Variants in PRPSAP2 observed in about 807,000 individuals in gnomAD.
PRPSAP2 encodes the protein phosphoribosyl pyrophosphate synthase-associated protein 2.
In PRPSAP2, 24 loss-of-function variants were observed where a neutral mutation model predicts 40.6. The ratio of observed to expected loss-of-function variants is 0.59; its 90% CI spans 0.43 to 0.83. The LOEUF (loss-of-function observed/expected upper bound fraction) is 0.83, where lower values mean the gene tolerates loss of function less well. Among genes scored for constraint, PRPSAP2 ranks in the 40% least tolerant of loss-of-function variants. The probability of loss-of-function intolerance (pLI) is 0.00; values close to 1 mark genes in which losing one functional copy is unlikely to be tolerated. For synonymous variants in PRPSAP2, 149 were observed against 164.7 expected, an observed-to-expected ratio of 0.90 and a Z score of 0.73; for missense variants, 292 against 465.6, an observed-to-expected ratio of 0.63 and a Z score of 3.43.
chr17:18,913,994 T>C (rs2041134502), intron 9 of PRPSAP2, among the ~76,000 whole-genome samples: 1 of 151,358 alleles, frequency 6.6e-6, no homozygotes, highest in South Asian at 2.1e-4. Flanking sequence ...GCCAACATGA[T>C]GAAACCCCGT....
chr17:18,881,576 A>T (rs1318989154), intron 6 of PRPSAP2, among the ~76,000 whole-genome samples: 3 of 151,116 alleles, frequency 2.0e-5, no homozygotes, highest in Non-Finnish European at 2.9e-5. Context: ...TCACTCTGTC[A>T]CCCAGACTGG....
At chr17:18,923,427 C>G (rs528331869) in intron 9 of PRPSAP2, among the ~76,000 whole-genome samples, 5 of 152,106 alleles carry the variant, frequency 3.3e-5, no homozygotes, top group African/African-American at 9.7e-5. Flanking sequence ...TCTCAATTCC[C>G]TCTTTTGATT....
rs567952350 is a variant in PRPSAP2, at chr17:18,913,633, C to T, written c.733+2382C>T. ...GTGCGATCATGGCTCATTGCAGTCT[C>T]ACCTCCTGGGCCCAAGCAGTCCTCC... is the stretch of plus-strand genomic sequence containing the variant. On this transcript the variant is annotated intron_variant, in intron 9 of 11. Coordinates refer to ENST00000268835, the MANE Select transcript of PRPSAP2 (RefSeq NM_002767.4). Among the ~76,000 whole-genome samples the T allele has an allele frequency of 4.9e-5, 7 of 143,700 alleles. No homozygotes were observed. In the East Asian group the frequency reaches 1.1e-3, roughly 22 times the overall value. 94.3% of individuals were successfully genotyped at this position (143,700 alleles called of 152,430 possible).
chr17:18,899,328 C>T (rs182817741), intron 8 of PRPSAP2, among the ~76,000 whole-genome samples: 4 of 151,336 alleles, frequency 2.6e-5, no homozygotes, highest in African/African-American at 9.7e-5. Context: ...TCAAGTGATT[C>T]TCCCATCTTA....
chr17:18,910,004 C>T (rs1471797424), intron 8 of PRPSAP2, among the ~76,000 whole-genome samples: 1 of 152,088 alleles, frequency 6.6e-6, no homozygotes, highest in African/African-American at 2.4e-5. Context: ...GAAAGCTCAG[C>T]AATACATAAA....
chr17:18,879,481 G>GTCAA (rs1313192003), intron 6 of PRPSAP2, among the ~76,000 whole-genome samples: 1 of 150,550 alleles, frequency 6.6e-6, no homozygotes, highest in Non-Finnish European at 1.5e-5. Flanking sequence ...TTATTTTTGA[G>GTCAA]TCTCACCTGT....
At chr17:18,915,445 T>C (rs1208213688) in intron 9 of PRPSAP2, among the ~76,000 whole-genome samples, 1 of 152,096 alleles carries the variant, frequency 6.6e-6, no homozygotes, top group African/African-American at 2.4e-5. Flanking sequence ...TGTGTTGCTA[T>C]AACAGACTAT....
At chr17:18,898,861 G>T (rs1467763385) in intron 8 of PRPSAP2, among the ~76,000 whole-genome samples, 3 of 149,272 alleles carry the variant, frequency 2.0e-5, no homozygotes, top group Non-Finnish European at 3.0e-5. Context: ...TCTTTTTCTG[G>T]GACTCTTATG....
At chr17:18,889,993 C>G (rs2039437012) in intron 8 of PRPSAP2, 116 bp downstream of exon 8, 1 of 734,224 alleles carries the variant, frequency 1.4e-6, no homozygotes, top group Non-Finnish European at 2.1e-6. Flanking sequence ...TCTTATTTTT[C>G]TTCCATGGAC....
chr17:18,882,513 A>G, intron 6 of PRPSAP2, 55 bp from the exon 7 acceptor site: 1 of 1,249,014 alleles, frequency 8.0e-7, no homozygotes, highest in Non-Finnish European at 1.2e-6. Flanking sequence ...CCCATCTTAA[A>G]AAAAAAAAAC....
At chr17:18,895,286 C>T (rs943182950) in intron 8 of PRPSAP2, among the ~76,000 whole-genome samples, 1 of 151,508 alleles carries the variant, frequency 6.6e-6, no homozygotes, top group South Asian at 2.1e-4. Context: ...TTGTTAGAGA[C>T]GGGGGTCTGA....
At chr17:18,910,662 C>G (rs1165624196) in intron 8 of PRPSAP2, among the ~76,000 whole-genome samples, 1 of 152,142 alleles carries the variant, frequency 6.6e-6, no homozygotes, top group Non-Finnish European at 1.5e-5. Flanking sequence ...TTTAGATATG[C>G]ACAGTTTCTC....
chr17:18,877,745 GTAA>G lies in PRPSAP2; in HGVS notation c.288_290del (p.Cys96_Lys97delinsTrp). On this transcript the variant is annotated inframe_deletion, in exon 6 of 12. Transcript: ENST00000268835. ...GAGCTCCTGATCATGGTGTATGCAT[GTAA>G]GACCTCTTGTGCCAAGAGCATCATT... 1 of 1,613,952 alleles carries G rather than the reference GTAA, an allele frequency of 6.2e-7. No individual in the cohort carries two copies. The highest frequency in any genetic ancestry group is 8.5e-7 in the Non-Finnish European group (1 of 1,179,976).
intron 6 of PRPSAP2, among the ~76,000 whole-genome samples, chr17:18,881,329 C>A (rs977447104): frequency 6.6e-6 from 1 of 151,760 alleles, no homozygotes; most frequent in South Asian, 2.1e-4. Flanking sequence ...TCCGCCCCCC[C>A]AGGTTCAAGC....
chr17:18,889,406 G>A (rs9912568), intron 7 of PRPSAP2, among the ~76,000 whole-genome samples: 80,348 of 152,018 alleles, frequency 0.53, 21,492 homozygotes, highest in Middle Eastern at 0.6. Flanking sequence ...GCTTCAACAT[G>A]TTATGACTGC....
intron 4 of PRPSAP2, among the ~76,000 whole-genome samples, chr17:18,868,858 C>T (rs2037629708): frequency 6.6e-6 from 1 of 151,944 alleles, no homozygotes; most frequent in African/African-American, 2.4e-5. Context: ...GGCCTGGCCC[C>T]TCTACAGGAT....
At chr17:18,921,715 G>A (rs554675155) in intron 9 of PRPSAP2, among the ~76,000 whole-genome samples, 3 of 152,126 alleles carry the variant, frequency 2.0e-5, no homozygotes, top group African/African-American at 7.2e-5. Context: ...ACGTAGGGTG[G>A]TCCCTTGCAG....
At chr17:18,861,763 A>G (rs1240763283) in intron 1 of PRPSAP2, among the ~76,000 whole-genome samples, 1 of 152,226 alleles carries the variant, frequency 6.6e-6, no homozygotes, top group Non-Finnish European at 1.5e-5. Context: ...CAGGAGAGCT[A>G]TCTTGAAATA....
chr17:18,864,702 C>T (rs978896009), intron 1 of PRPSAP2, among the ~76,000 whole-genome samples: 2 of 152,210 alleles, frequency 1.3e-5, no homozygotes, highest in Admixed American at 6.5e-5. Flanking sequence ...TCTACACCAG[C>T]CTTCCCAGAG....
Sources: gnomAD v4.1 joint callset for allele counts (sites outside exome capture counted in the v4.1 genomes callset) on GRCh38, gnomAD v4.1.1 for gene constraint, MANE v1.5 for transcripts, NCBI Gene and HGNC (gene_info 2026-07-23, HGNC 2026-07-21) for gene names.